Variants in NEXMIF observed in about 807,000 individuals in gnomAD.
NEXMIF encodes XLMR protein related to neurite extension.
In NEXMIF, 8 loss-of-function variants were observed where a neutral mutation model predicts 62.1. That is an observed-to-expected ratio of 0.13 (90% confidence interval 0.08 to 0.23). NEXMIF has a LOEUF of 0.23. NEXMIF is among the 10% of genes least tolerant of loss of function. The pLI is 1.00. For missense variants in NEXMIF, 976 were observed against 1,113.3 expected (o/e 0.88, Z 1.75); for synonymous variants, 404 against 416.6 (o/e 0.97, Z 0.37).
intron 1 of NEXMIF, among the ~76,000 whole-genome samples, chrX:74,922,355 T>A (rs1174177370): frequency 9.0e-6 from 1 of 111,220 alleles, no homozygotes; most frequent in Non-Finnish European, 1.9e-5. Context: ...TGTGTGTGTG[T>A]GTGTGTGTGT....
chrX:74,881,646 C>A (rs1248843635), intron 1 of NEXMIF, among the ~76,000 whole-genome samples: 2 of 112,293 alleles, frequency 1.8e-5, no homozygotes, highest in Non-Finnish European at 3.8e-5. Flanking sequence ...CACCCCCCAA[C>A]CCACTTGTGA....
chrX:74,894,680 A>G (rs2080727610), intron 1 of NEXMIF, among the ~76,000 whole-genome samples: 1 of 112,664 alleles, frequency 8.9e-6, no homozygotes, highest in Admixed American at 9.4e-5. Context: ...AGGATGGTCC[A>G]ACACTCACAA....
At chrX:74,915,205 G>A (rs2080802553) in intron 1 of NEXMIF, among the ~76,000 whole-genome samples, 2 of 111,732 alleles carry the variant, frequency 1.8e-5, no homozygotes, top group Admixed American at 9.5e-5. Context: ...GGGAGGCCAA[G>A]GCAGGAGGAT....
chrX:74,815,657 T>C (rs2080373570), intron 1 of NEXMIF, among the ~76,000 whole-genome samples: 1 of 104,391 alleles, frequency 9.6e-6, no homozygotes, highest in African/African-American at 3.5e-5. Context: ...TTTTTTGAGA[T>C]GGAGTCTCGC....
In NEXMIF at chrX:74,743,020, C is replaced by T; in HGVS notation, c.1537G>A (p.Val513Ile). The T allele has an allele frequency of 8.3e-7, 1 of 1,211,497 alleles. No homozygotes were observed. Among genetic ancestry groups the T allele is most frequent in the East Asian group, 3.0e-5 (1 of 33,835 alleles). ...KVNERKEWLP[V>I]GSKEEDDDEW... is the part of the protein sequence containing the mutation. ...TCATCATCTTCCTCTTTGGAACCAA[C>T]TGGCAGCCATTCCTTCCTCTCATTT... Residue 513 changes from valine to isoleucine, a missense_variant, in exon 3 of 4, where the codon GTT becomes ATT. By Grantham distance (29) the Val-to-Ile change is conservative (BLOSUM62 3). This residue lies in a region of NEXMIF where 639 missense variants were observed against 694.5 expected (regional missense o/e 0.92). Transcript: ENST00000055682.
chrX:74,796,148 TATATACATATATA>T (rs2080306735), intron 1 of NEXMIF, among the ~76,000 whole-genome samples: 4 of 75,672 alleles, frequency 5.3e-5, no homozygotes, highest in African/African-American at 2.1e-4. Flanking sequence ...ATATATTATA[TATATACATATATA>T]TTATATATAT....
At chrX:74,780,618 C>T (rs5981691) in intron 1 of NEXMIF, among the ~76,000 whole-genome samples, 4,320 of 110,134 alleles carry the variant, frequency 0.039, 89 homozygotes, top group Non-Finnish European at 0.059. Context: ...CTCAGGCAAT[C>T]GGCCCGCTGT....
At chrX:74,805,130 A>G (rs2080341150) in intron 1 of NEXMIF, among the ~76,000 whole-genome samples, 1 of 112,160 alleles carries the variant, frequency 8.9e-6, no homozygotes, top group African/African-American at 3.2e-5. Context: ...AGGAGGGGTC[A>G]TATCTGCAAT....
At chrX:74,856,882 AC>A (rs202211013) in intron 1 of NEXMIF, among the ~76,000 whole-genome samples, 4,766 of 111,634 alleles carry the variant, frequency 0.043, 94 homozygotes, top group African/African-American at 0.071. Flanking sequence ...CAATTGTGAG[AC>A]TGCATTAAAC....
intron 1 of NEXMIF, among the ~76,000 whole-genome samples, chrX:74,924,191 C>T (rs923982619): frequency 4.5e-5 from 5 of 111,516 alleles, no homozygotes; most frequent in Non-Finnish European, 9.4e-5. Flanking sequence ...GTGTACAAGA[C>T]GCGAGCCGAC....
intron 1 of NEXMIF, among the ~76,000 whole-genome samples, chrX:74,785,064 C>T (rs1173124371): frequency 9.0e-6 from 1 of 111,313 alleles, no homozygotes; most frequent in Non-Finnish European, 1.9e-5. Context: ...AAGCTTGCAC[C>T]TGGTATCCTC....
At chrX:74,815,635 C>CTTT (rs1216144220) in intron 1 of NEXMIF, among the ~76,000 whole-genome samples, 1 of 99,606 alleles carries the variant, frequency 1.0e-5, no homozygotes, top group Admixed American at 1.1e-4. Context: ...TCTACAACTA[C>CTTT]TTTTTTTTTT....
At chrX:74,859,251 C>T (rs962129702) in intron 1 of NEXMIF, among the ~76,000 whole-genome samples, 4 of 111,462 alleles carry the variant, frequency 3.6e-5, no homozygotes, top group African/African-American at 9.8e-5. Flanking sequence ...AAGAAGGATC[C>T]GAAAAGCAGC....
chrX:74,874,148 C>A (rs1271891435), intron 1 of NEXMIF, among the ~76,000 whole-genome samples: 2 of 108,699 alleles, frequency 1.8e-5, no homozygotes, highest in East Asian at 3.0e-4. Flanking sequence ...AGTCTTTAAT[C>A]CATCTTGAAT....
chrX:74,917,129 T>C (rs1324067654), intron 1 of NEXMIF, among the ~76,000 whole-genome samples: 1 of 112,039 alleles, frequency 8.9e-6, no homozygotes, highest in Non-Finnish European at 1.9e-5. Flanking sequence ...CCATGTTGAA[T>C]TGTAATCCCC....
At chrX:74,792,187 T>C (rs1385605814) in intron 1 of NEXMIF, among the ~76,000 whole-genome samples, 1 of 111,546 alleles carries the variant, frequency 9.0e-6, no homozygotes, top group Admixed American at 9.5e-5. Flanking sequence ...TTTGTTCTCA[T>C]TGGTTTCAAA....
intron 1 of NEXMIF, among the ~76,000 whole-genome samples, chrX:74,886,200 T>G (rs1445572564): frequency 6.3e-5 from 7 of 111,684 alleles, no homozygotes; most frequent in South Asian, 7.5e-4. Flanking sequence ...TCATACTGAA[T>G]GGACAAAAAC....
chrX:74,884,421 C>T (rs1374731609), intron 1 of NEXMIF, among the ~76,000 whole-genome samples: 5 of 111,331 alleles, frequency 4.5e-5, no homozygotes, highest in African/African-American at 6.5e-5. Context: ...CAGAGACACA[C>T]ATAGGCTCAA....
chrX:74,877,213 C>A (rs1327564511), intron 1 of NEXMIF, among the ~76,000 whole-genome samples: 1 of 110,862 alleles, frequency 9.0e-6, no homozygotes, highest in Non-Finnish European at 1.9e-5. Context: ...TCAGCATTTG[C>A]TTATCTGTAA....
Sources: gnomAD v4.1 joint callset for allele counts (sites outside exome capture counted in the v4.1 genomes callset) on GRCh38, gnomAD v4.1.1 for gene constraint, gnomAD v4.1.1 regional missense constraint, MANE v1.5 for transcripts, NCBI Gene and HGNC (gene_info 2026-07-23, HGNC 2026-07-21) for gene names.